CRHR1: variants seen among roughly 807,000 people sequenced by gnomAD.
CRHR1 encodes corticotropin releasing hormone receptor 1.
In CRHR1, 28 loss-of-function variants were observed where a neutral mutation model predicts 56.0. The ratio of observed to expected loss-of-function variants is 0.50; its 90% CI spans 0.37 to 0.69. The LOEUF is 0.69. CRHR1 is among the 30% of genes least tolerant of loss of function. CRHR1 has a pLI of 0.00. For missense variants in CRHR1, 376 were observed against 548.0 expected, an observed-to-expected ratio of 0.69 and a Z score of 3.13; for synonymous variants, 195 against 216.5, an observed-to-expected ratio of 0.90 and a Z score of 0.87.
intron 1 of CRHR1, among the ~76,000 whole-genome samples, chr17:45,803,973 T>C (rs1271984389): frequency 6.6e-6 from 1 of 152,172 alleles, no homozygotes; most frequent in East Asian, 1.9e-4. Context: ...AGCTTTGTCA[T>C]GAGGACACTT....
rs1266789261 is a variant in CRHR1, at chr17:45,829,983, C to A, written c.435-111C>A. 3 of 1,524,730 alleles carry A rather than the reference C, an allele frequency of 2.0e-6. No homozygotes were observed. The African/African-American group carries it at 4.1e-5, about 21-fold the overall frequency. 94.5% of individuals were successfully genotyped at this position (1,524,730 alleles called of 1,614,324 possible). A position where few individuals can be genotyped will look rare whatever the true frequency, so the allele number is the denominator to read the frequency against. On this transcript the variant is annotated intron_variant, in intron 5 of 12. Coordinates refer to ENST00000314537, the MANE Select transcript of CRHR1 (RefSeq NM_004382.5). ...GTGTGACTTGGCCAGTCAGCCCCAC[C>A]CTGTGCCTCAGTTTCCTCATCTACA... is the stretch of plus-strand genomic sequence containing the variant.
intron 4 of CRHR1, among the ~76,000 whole-genome samples, chr17:45,823,465 T>C (rs1007475717): frequency 6.9e-6 from 1 of 145,976 alleles, no homozygotes; most frequent in Non-Finnish European, 1.5e-5. Context: ...TGGAGTGCTG[T>C]GGCGCGATGT....
rs1598386781 is a variant in CRHR1 at position 45,784,950 on chromosome 17, T to C, written c.33+373T>C. Among the ~76,000 whole-genome samples, 2 of 152,164 alleles carry C rather than the reference T, an allele frequency of 1.3e-5. No individual in the cohort carries two copies. Among genetic ancestry groups the C allele is most frequent in the African/African-American group, 2.4e-5 (1 of 41,546 alleles). ...ACCTCGGCCCCGGGACTGGAGACTC[T>C]GAAGCGGGGTTCCCACCTCGCCCCA... On this transcript the variant is annotated intron_variant, in intron 1 of 12. Coordinates refer to ENST00000314537, the MANE Select transcript of CRHR1 (RefSeq NM_004382.5). The surrounding 1 kb of genome is among the most constrained non-coding windows in gnomAD (Gnocchi z 4.2).
chr17:45,819,838 C>G lies in CRHR1; in HGVS notation c.242-1517C>G, dbSNP rs567522554. On this transcript the variant is annotated intron_variant, in intron 3 of 12. Coordinates refer to ENST00000314537, the MANE Select transcript of CRHR1 (RefSeq NM_004382.5). ...GGGAGGGGAATGGAGGGGAGTAGTG[C>G]GAGAGAGGAGAGGCCACATCTACTT... is the stretch of plus-strand genomic sequence containing the variant. 3.3e-5 allele frequency among the ~76,000 whole-genome samples: 5 copies of G among 152,290 alleles called. No individual in the cohort carries two copies. In the East Asian group the frequency reaches 9.6e-4, roughly 29 times the overall value.
intron 8 of CRHR1, among the ~76,000 whole-genome samples, chr17:45,832,324 A>G (rs116060954): frequency 0.025 from 3,749 of 152,330 alleles, 155 homozygotes; most frequent in African/African-American, 0.081. Flanking sequence ...TGAGAATTCA[A>G]CACTGCAACA....
intron 2 of CRHR1, among the ~76,000 whole-genome samples, chr17:45,814,322 G>A (rs1269966878): frequency 6.6e-6 from 1 of 152,150 alleles, no homozygotes; most frequent in South Asian, 2.1e-4. Flanking sequence ...CTCAACAAAC[G>A]CTGCTCCCTT....
At chr17:45,802,128 C>T (rs960363658) in intron 1 of CRHR1, among the ~76,000 whole-genome samples, 2 of 151,930 alleles carry the variant, frequency 1.3e-5, no homozygotes, top group Admixed American at 1.3e-4. Context: ...AGTTTGAGAC[C>T]AGCCTGGCCA....
intron 1 of CRHR1, among the ~76,000 whole-genome samples, chr17:45,789,055 C>G (rs541272690): frequency 6.6e-6 from 1 of 152,324 alleles, no homozygotes; most frequent in South Asian, 2.1e-4. Flanking sequence ...CCCCAGTGAT[C>G]TGGAGAATCC....
intron 1 of CRHR1, among the ~76,000 whole-genome samples, chr17:45,806,355 A>G (rs933612778): frequency 2.0e-5 from 3 of 152,160 alleles, no homozygotes; most frequent in Admixed American, 6.5e-5. Flanking sequence ...TTTATCCCTT[A>G]CCTCTCTGTG....
rs1273454902 is a variant in CRHR1, at chr17:45,834,652, A to G, written c.1136A>G (p.His379Arg). The change falls in exon 13 of 13, where the codon CAC becomes CGC. Residue 379 changes from histidine (H) to arginine (R), a missense_variant. By Grantham distance (29) the His-to-Arg change is conservative (BLOSUM62 0). Around this residue, in one of 2 missense-constraint regions of CRHR1, gnomAD observed 369 missense variants for 519.5 expected, o/e 0.71. Coordinates refer to ENST00000314537, the MANE Select transcript of CRHR1 (RefSeq NM_004382.5). Reference protein sequence around the residue: ...EVRSAIRKRWHRWQDKHSIRA... With the variant: ...EVRSAIRKRWRRWQDKHSIRA... ...CGTTCTGCCATCCGGAAGAGGTGGC[A>G]CCGGTGGCAGGACAAGCACTCGATC... The G allele has an allele frequency of 6.2e-7, 1 of 1,613,208 alleles. No individual in the cohort carries two copies. Among genetic ancestry groups the G allele is most frequent in the South Asian group, 1.1e-5 (1 of 91,054 alleles).
chr17:45,798,059 G>A (rs955061900), intron 1 of CRHR1, among the ~76,000 whole-genome samples: 3 of 152,106 alleles, frequency 2.0e-5, no homozygotes, highest in Non-Finnish European at 4.4e-5. Flanking sequence ...AGAGGAAAAT[G>A]AGAAAAAGGA....
At chr17:45,825,009 T>A (rs2062127045) in intron 4 of CRHR1, among the ~76,000 whole-genome samples, 1 of 151,824 alleles carries the variant, frequency 6.6e-6, no homozygotes, top group South Asian at 2.1e-4. Flanking sequence ...GGGTAATCGA[T>A]TAGTTTAATT....
chr17:45,785,388 A>G (rs1242089236), intron 1 of CRHR1, among the ~76,000 whole-genome samples: 1 of 152,264 alleles, frequency 6.6e-6, no homozygotes, highest in Non-Finnish European at 1.5e-5. Flanking sequence ...CGCTCGTGTC[A>G]GGCGTCACTT....
intron 1 of CRHR1, among the ~76,000 whole-genome samples, chr17:45,791,833 T>TTC (rs71363555): frequency 0.014 from 1,743 of 126,990 alleles, 14 homozygotes; most frequent in Middle Eastern, 0.034. Flanking sequence ...CTCTCTCTCT[T>TTC]TCTCTCTCTC....
At chr17:45,817,186 G>C (rs1019783206) in intron 3 of CRHR1, among the ~76,000 whole-genome samples, 3 of 152,182 alleles carry the variant, frequency 2.0e-5, no homozygotes, top group Non-Finnish European at 2.9e-5. Context: ...CTCCCCGGAG[G>C]CCCGAAACCC....
chr17:45,827,558 C>T (rs2062193218), intron 4 of CRHR1: 1 of 152,350 alleles, frequency 6.6e-6, no homozygotes, highest in Non-Finnish European at 1.5e-5. Context: ...TAGGTACCCT[C>T]TCCTCACTCC....
chr17:45,788,133 T>G (rs1230208867), intron 1 of CRHR1, among the ~76,000 whole-genome samples: 1 of 152,144 alleles, frequency 6.6e-6, no homozygotes. Context: ...GGGGTCAAGG[T>G]GCCACCACCC....
intron 3 of CRHR1, 34 bp from the exon 4 acceptor site, chr17:45,821,321 C>T: frequency 6.2e-7 from 1 of 1,600,200 alleles, no homozygotes. Context: ...GCCGGGGCTG[C>T]CCCGCCATCA....
intron 4 of CRHR1, among the ~76,000 whole-genome samples, chr17:45,823,388 GCT>G (rs1314378878): frequency 6.6e-6 from 1 of 150,734 alleles, no homozygotes; most frequent in Non-Finnish European, 1.5e-5. Flanking sequence ...AGGTCACGTG[GCT>G]CTGGGACATT....
Sources: allele counts gnomAD v4.1 joint callset (sites outside exome capture counted in the v4.1 genomes callset), GRCh38; gene constraint gnomAD v4.1.1; regional missense constraint gnomAD v4.1.1; non-coding constraint Gnocchi (gnomAD v3.1); transcripts MANE v1.5; gene names NCBI Gene and HGNC (gene_info 2026-07-23, HGNC 2026-07-21).